TBC1D32: variants seen among roughly 807,000 people sequenced by gnomAD.
TBC1D32 encodes TBC1 domain family member 32.
A neutral mutation model predicts 170.3 loss-of-function variants in TBC1D32; 151 were observed. The ratio of observed to expected loss-of-function variants is 0.89; its 90% CI spans 0.78 to 1.01. The LOEUF (loss-of-function observed/expected upper bound fraction) is 1.01, where lower values mean the gene tolerates loss of function less well. Among genes scored for constraint, TBC1D32 ranks in the 50% least tolerant of loss-of-function variants. The pLI is 0.00. For synonymous variants in TBC1D32, 498 were observed against 488.0 expected (o/e 1.02, Z -0.27); for missense variants, 1,464 against 1,457.1 (o/e 1.00, Z -0.08).
rs1235535205 is a variant in TBC1D32 at position 121,241,471 on chromosome 6, T to A, written c.2239A>T (p.Lys747Ter). The change falls in exon 19 of 32, where the codon AAG becomes TAG. Residue 747 changes from lysine (K) to a stop codon, truncating the protein, a stop_gained. Transcript: ENST00000398212. LOFTEE classifies it high-confidence loss of function. ...ATGAAAAGAAAACATTTACCTGACT[T>A]TTTTAGTGCAATGCCACCTGCTGCT... ...STAAGGIALKKSGFINELITE... is the reference protein window; with the variant it reads ...STAAGGIALK 3.1e-6 allele frequency: 5 copies of A among 1,612,398 alleles called. No individual in the cohort carries two copies.
chr6:121,179,802 A>G (rs17083247), intron 22 of TBC1D32, among the ~76,000 whole-genome samples: 3,339 of 152,244 alleles, frequency 0.022, 140 homozygotes, highest in African/African-American at 0.077. Context: ...ACCATGTTCT[A>G]AATTTGGGAG....
At chr6:121,316,790 T>A (rs977316676) in intron 3 of TBC1D32, among the ~76,000 whole-genome samples, 1 of 152,190 alleles carries the variant, frequency 6.6e-6, no homozygotes, top group Non-Finnish European at 1.5e-5. Context: ...TTTACAGTTA[T>A]GCCCCTGTGG....
At chr6:121,310,382 T>C (rs1160829694) in intron 4 of TBC1D32, among the ~76,000 whole-genome samples, 1 of 152,118 alleles carries the variant, frequency 6.6e-6, no homozygotes, top group East Asian at 1.9e-4. Context: ...TATTTGATCA[T>C]TAAAAATAAT....
At chr6:121,271,126 G>A (rs552022000) in intron 15 of TBC1D32, among the ~76,000 whole-genome samples, 3 of 152,184 alleles carry the variant, frequency 2.0e-5, no homozygotes, top group South Asian at 4.1e-4. Context: ...AATAATAAGA[G>A]CTATTTATGA....
At chr6:121,267,141 G>C (rs1165593285) in intron 15 of TBC1D32, among the ~76,000 whole-genome samples, 6 of 124,812 alleles carry the variant, frequency 4.8e-5, no homozygotes, top group Non-Finnish European at 9.6e-5. Flanking sequence ...AAAAAAAAAA[G>C]GTCGGGGGGA....
At chr6:121,086,139 C>T (rs1049650694) in intron 31 of TBC1D32, among the ~76,000 whole-genome samples, 2 of 151,806 alleles carry the variant, frequency 1.3e-5, no homozygotes, top group Non-Finnish European at 2.9e-5. Context: ...ACTTAATAAC[C>T]GCTAAGTTTT....
chr6:121,125,092 C>T (rs930076229), intron 26 of TBC1D32, among the ~76,000 whole-genome samples: 1 of 152,120 alleles, frequency 6.6e-6, no homozygotes, highest in African/African-American at 2.4e-5. Flanking sequence ...CTTGTGGACA[C>T]CCGATGATAT....
intron 21 of TBC1D32, among the ~76,000 whole-genome samples, chr6:121,208,930 G>T (rs1291740307): frequency 6.6e-6 from 1 of 152,018 alleles, no homozygotes; most frequent in Non-Finnish European, 1.5e-5. Context: ...AATAAAAGGG[G>T]AGAGGGTGAA....
chr6:121,096,785 G>A (rs935138957), intron 30 of TBC1D32, among the ~76,000 whole-genome samples: 1 of 152,106 alleles, frequency 6.6e-6, no homozygotes, highest in Non-Finnish European at 1.5e-5. Flanking sequence ...CACGCTACCT[G>A]ACTTCAAACT....
Position 121,115,208 on chromosome 6 carries a change from GA to G in TBC1D32, c.3016del (p.Ser1006HisfsTer10). 1 of 1,602,182 alleles carries G rather than the reference GA, an allele frequency of 6.2e-7. No individual in the cohort carries two copies. Among genetic ancestry groups the G allele is most frequent in the Non-Finnish European group, 8.5e-7 (1 of 1,172,854 alleles). ...TDANVKNESL[S>X]SVQQLGIKMT... ...TTTAATGCCAAGCTGCTGCACAGATGAAAGACTTTCATTCTTCACATTTGCA... is the reference window on the plus strand; with the variant it reads ...TTTAATGCCAAGCTGCTGCACAGATGAAGACTTTCATTCTTCACATTTGCA... On this transcript the variant is annotated frameshift_variant, in exon 27 of 32. Transcript: ENST00000398212. LOFTEE classifies it high-confidence loss of function.
chr6:121,328,772 C>T (rs1380947646), intron 1 of TBC1D32, among the ~76,000 whole-genome samples: 1 of 152,228 alleles, frequency 6.6e-6, no homozygotes, highest in African/African-American at 2.4e-5. Context: ...TGATGATAAT[C>T]TTAATATTAA....
At chr6:121,257,081 T>C (rs1799134498) in intron 15 of TBC1D32, among the ~76,000 whole-genome samples, 1 of 152,198 alleles carries the variant, frequency 6.6e-6, no homozygotes, top group African/African-American at 2.4e-5. Context: ...TCCTAATATT[T>C]TTCCCTATGC....
intron 1 of TBC1D32, among the ~76,000 whole-genome samples, chr6:121,329,286 C>T (rs574180070): frequency 6.6e-6 from 1 of 152,210 alleles, no homozygotes; most frequent in East Asian, 1.9e-4. Context: ...GTTACTCTTA[C>T]AACATAAGTA....
chr6:121,316,273 T>C (rs1808929066), intron 3 of TBC1D32, among the ~76,000 whole-genome samples: 1 of 152,160 alleles, frequency 6.6e-6, no homozygotes, highest in South Asian at 2.1e-4. Context: ...TGCTCCATTA[T>C]TTTTCTTATG....
intron 16 of TBC1D32, 28 bp from the exon 17 acceptor site, chr6:121,255,438 G>T (rs1189071812): frequency 2.2e-5 from 21 of 973,248 alleles, no homozygotes; most frequent in Non-Finnish European, 3.0e-5. Context: ...AATTTATATT[G>T]CTTACTGATA....
At chr6:121,310,904 A>G (rs1448553731) in intron 3 of TBC1D32, 57 bp from the exon 4 acceptor site, 49 of 943,528 alleles carry the variant, frequency 5.2e-5, no homozygotes, top group Middle Eastern at 4.3e-4. Flanking sequence ...AACTATTGCT[A>G]TAAGTTATTT....
At chr6:121,130,000 G>A (rs1781256868) in intron 25 of TBC1D32, 4 of 395,414 alleles carry the variant, frequency 1.0e-5, no homozygotes, top group Admixed American at 3.5e-5. Flanking sequence ...ATAACCAAAG[G>A]TAAATTAGAA....
At chr6:121,171,003 TTATC>T (rs1368207076) in intron 22 of TBC1D32, among the ~76,000 whole-genome samples, 2 of 151,982 alleles carry the variant, frequency 1.3e-5, no homozygotes, top group Non-Finnish European at 2.9e-5. Context: ...CTAAGCCCAC[TTATC>T]TATCTTAATA....
intron 1 of TBC1D32, among the ~76,000 whole-genome samples, chr6:121,328,293 A>AT (rs1285890201): frequency 1.3e-5 from 2 of 151,038 alleles, no homozygotes; most frequent in African/African-American, 4.9e-5. Context: ...TTATTTATTT[A>AT]TTTATTTTTT....
Sources: allele counts gnomAD v4.1 joint callset (sites outside exome capture counted in the v4.1 genomes callset), GRCh38; gene constraint gnomAD v4.1.1; transcripts MANE v1.5; gene names NCBI Gene and HGNC (gene_info 2026-07-23, HGNC 2026-07-21).